Variants in FLT3 observed in about 807,000 individuals in gnomAD.
The protein encoded by FLT3 is receptor-type tyrosine-protein kinase FLT3.
FLT3 carries 46 observed loss-of-function variants against 126.6 expected under a neutral mutation model. The observed-to-expected ratio is 0.36, with a 90% CI of 0.29 to 0.46. The LOEUF is 0.46. Ranked by LOEUF, FLT3 falls within the 20% of genes least tolerant of loss-of-function variation. The probability of loss-of-function intolerance (pLI) is 1.00; values close to 1 mark genes in which losing one functional copy is unlikely to be tolerated. For missense variants in FLT3, 1,069 were observed against 1,190.3 expected (o/e 0.90, Z 1.50); for synonymous variants, 404 against 434.4 (o/e 0.93, Z 0.87).
intron 3 of FLT3, among the ~76,000 whole-genome samples, chr13:28,059,897 T>C (rs1190045789): frequency 6.6e-6 from 1 of 151,102 alleles, no homozygotes. Context: ...GAGGAGGAGG[T>C]TGCAGTGAGC....
chr13:28,066,275 A>G (rs1877025895), intron 2 of FLT3, among the ~76,000 whole-genome samples: 1 of 152,216 alleles, frequency 6.6e-6, no homozygotes, highest in South Asian at 2.1e-4. Context: ...TAGATTATCT[A>G]TATATTGTAT....
intron 9 of FLT3, among the ~76,000 whole-genome samples, chr13:28,044,565 G>C (rs947522504): frequency 6.6e-6 from 1 of 152,124 alleles, no homozygotes; most frequent in Non-Finnish European, 1.5e-5. Context: ...GACATTTAGA[G>C]CACTCAGAGG....
intron 9 of FLT3, among the ~76,000 whole-genome samples, chr13:28,047,005 C>A (rs1338456296): frequency 1.3e-5 from 2 of 152,118 alleles, no homozygotes; most frequent in Non-Finnish European, 2.9e-5. Context: ...ACCAGACACA[C>A]TTCAAGCTCT....
In FLT3 at chr13:28,015,801, C is replaced by T. The variant is rs564137183; in HGVS notation, c.2542-100G>A. On this transcript the variant is annotated intron_variant, in intron 20 of 23. Transcript: ENST00000241453. ...ATGAAATGCATCATCTTCCTAAGACCACTCTTAATGCCTTATTGAGAAAAT... is the reference window on the plus strand; with the variant it reads ...ATGAAATGCATCATCTTCCTAAGACTACTCTTAATGCCTTATTGAGAAAAT... The T allele has an allele frequency of 1.5e-4, 112 of 725,012 alleles. No homozygotes were observed. In the African/African-American group the frequency reaches 1.7e-3, roughly 11 times the overall value. The allele number at this position is 725,012 out of a possible 1,614,324, so 44.9% of individuals were successfully genotyped here. A position where few individuals can be genotyped will look rare whatever the true frequency, so the allele number is the denominator to read the frequency against.
In FLT3 at chr13:28,049,435, T is replaced by C. The variant is rs763633405; in HGVS notation, c.985A>G (p.Thr329Ala). Residue 329 changes from threonine (T) to alanine (A), a missense_variant, in exon 8 of 24, where the codon ACT (threonine) becomes GCT (alanine). Thr to Ala is a moderately conservative substitution (Grantham distance 58, BLOSUM62 0). Coordinates refer to ENST00000241453, the MANE Select transcript of FLT3 (RefSeq NM_004119.3). ...SVARNDTGYY[T>A]CSSSKHPSQS... ...CTGGGATGCTTTGAAGAGGAACAAGTGTAGTATCCGGTGTCGTTTCTTGCC... is the reference window on the plus strand; with the variant it reads ...CTGGGATGCTTTGAAGAGGAACAAGCGTAGTATCCGGTGTCGTTTCTTGCC... The C allele has an allele frequency of 2.5e-6, 4 of 1,614,098 alleles. No homozygotes were observed. Among genetic ancestry groups the C allele is most frequent in the Middle Eastern group, 1.6e-4 (1 of 6,062 alleles).
At chr13:28,083,950 ATT>A (rs891310219) in intron 1 of FLT3, among the ~76,000 whole-genome samples, 6 of 151,330 alleles carry the variant, frequency 4.0e-5, no homozygotes, top group Non-Finnish European at 8.8e-5. Flanking sequence ...TTAATTTCTA[ATT>A]TTTTTGTTTT....
intron 20 of FLT3, among the ~76,000 whole-genome samples, chr13:28,016,935 G>C (rs753110287): frequency 6.6e-6 from 1 of 152,088 alleles, no homozygotes; most frequent in Non-Finnish European, 1.5e-5. Flanking sequence ...GTGCTTTCAC[G>C]TTGGTTTTAT....
At chr13:28,031,314 T>A (rs1232899221) in intron 15 of FLT3, among the ~76,000 whole-genome samples, 1 of 150,054 alleles carries the variant, frequency 6.7e-6, no homozygotes, top group Admixed American at 6.7e-5. Flanking sequence ...CTTGGAGGGG[T>A]GGAGAAAGGA....
chr13:28,048,169 C>T, intron 9 of FLT3, 106 bp downstream of exon 9: 1 of 815,636 alleles, frequency 1.2e-6, no homozygotes, highest in Non-Finnish European at 2.0e-6. Flanking sequence ...AATAGTTAAA[C>T]TCATAAGTGA....
At chr13:28,070,761 G>T in intron 1 of FLT3, 149 bp from the exon 2 acceptor site, 1 of 613,864 alleles carries the variant, frequency 1.6e-6, no homozygotes, top group Non-Finnish European at 2.8e-6. Context: ...TTTTATGCAA[G>T]TTTAGTCTAG....
intron 1 of FLT3, among the ~76,000 whole-genome samples, chr13:28,079,158 C>T (rs1471644054): frequency 2.0e-5 from 3 of 152,186 alleles, no homozygotes; most frequent in Non-Finnish European, 4.4e-5. Context: ...GCCAGATACC[C>T]TAAATCATCT....
chr13:28,033,833 A>G, intron 15 of FLT3, 54 bp downstream of exon 15: 5 of 1,311,364 alleles, frequency 3.8e-6, no homozygotes, highest in Non-Finnish European at 5.5e-6. Context: ...TGGGTGGGAA[A>G]CTGTGCCTCC....
At chr13:28,069,790 T>C (rs1040508690) in intron 2 of FLT3, among the ~76,000 whole-genome samples, 3 of 152,118 alleles carry the variant, frequency 2.0e-5, no homozygotes, top group Non-Finnish European at 4.4e-5. Context: ...TCGTATTAGG[T>C]ATTATAAGTA....
chr13:28,074,972 T>C (rs998139485), intron 1 of FLT3, among the ~76,000 whole-genome samples: 5 of 152,194 alleles, frequency 3.3e-5, no homozygotes, highest in Non-Finnish European at 7.4e-5. Context: ...TCCTGACTAA[T>C]GAACATTGAA....
At chr13:28,041,668 C>T (rs944821870) in intron 9 of FLT3, among the ~76,000 whole-genome samples, 2 of 152,142 alleles carry the variant, frequency 1.3e-5, no homozygotes, top group Admixed American at 6.6e-5. Context: ...CAATGACAAC[C>T]GTGTCCTGAC....
chr13:28,013,862 A>G, intron 23 of FLT3, among the ~76,000 whole-genome samples: 1 of 152,108 alleles, frequency 6.6e-6, no homozygotes, highest in East Asian at 1.9e-4. Context: ...GATTATTTTT[A>G]TTTAGTTTTA....
At chr13:28,007,301 C>G (rs564232175) in intron 23 of FLT3, among the ~76,000 whole-genome samples, 42 of 152,220 alleles carry the variant, frequency 2.8e-4, no homozygotes, top group African/African-American at 9.9e-4. Flanking sequence ...GGCTGGAGTA[C>G]AGTGGTGCAA....
intron 9 of FLT3, among the ~76,000 whole-genome samples, chr13:28,042,526 T>C (rs1874484082): frequency 1.3e-5 from 2 of 151,896 alleles, no homozygotes; most frequent in Admixed American, 1.3e-4. Flanking sequence ...GAATAAAGGG[T>C]GTTGGCTTTG....
intron 1 of FLT3, among the ~76,000 whole-genome samples, chr13:28,084,828 A>G (rs1474394260): frequency 6.6e-6 from 1 of 152,032 alleles, no homozygotes; most frequent in Non-Finnish European, 1.5e-5. Flanking sequence ...ACAAAAAATT[A>G]GCCGGGCGTG....
Sources: gnomAD v4.1 joint callset for allele counts (sites outside exome capture counted in the v4.1 genomes callset) on GRCh38, gnomAD v4.1.1 for gene constraint, MANE v1.5 for transcripts, NCBI Gene and HGNC (gene_info 2026-07-23, HGNC 2026-07-21) for gene names.